TAMM41: variants seen among roughly 807,000 people sequenced by gnomAD.
The protein encoded by TAMM41 is phosphatidate cytidylyltransferase, mitochondrial.
A neutral mutation model predicts 44.1 loss-of-function variants in TAMM41; 36 were observed. That is an observed-to-expected ratio of 0.82 (90% CI 0.63 to 1.08). The LOEUF (loss-of-function observed/expected upper bound fraction) is 1.08. Among genes scored for constraint, TAMM41 ranks in the 50% least tolerant of loss-of-function variants. The pLI, the probability that TAMM41 is intolerant of heterozygous loss-of-function variation, is 0.00. For missense variants in TAMM41, 417 were observed against 404.3 expected, an observed-to-expected ratio of 1.03 and a Z score of -0.27; for synonymous variants, 164 against 153.1, an observed-to-expected ratio of 1.07 and a Z score of -0.53.
chr3:11,722,541 C>A, the TAMM41 span, among the ~76,000 whole-genome samples: 7 of 152,180 alleles, frequency 4.6e-5, no homozygotes, highest in African/African-American at 1.7e-4. Flanking sequence ...TTACATACAG[C>A]ATAATACTCT....
chr3:11,807,521 G>A (rs1184735009), intron 7 of TAMM41: 5 of 1,536,140 alleles, frequency 3.3e-6, no homozygotes, highest in Non-Finnish European at 4.4e-6. Flanking sequence ...TGCTGTTTTT[G>A]CAATCCTATG....
downstream of TAMM41, among the ~76,000 whole-genome samples, chr3:11,789,491 C>G (rs1019495317): frequency 9.9e-5 from 15 of 152,182 alleles, no homozygotes; most frequent in Non-Finnish European, 1.6e-4. Flanking sequence ...TGCTTCCCAA[C>G]AGCTCTTTCT....
At chr3:11,770,933 T>C in the TAMM41 span, among the ~76,000 whole-genome samples, 1 of 152,156 alleles carries the variant, frequency 6.6e-6, no homozygotes, top group Admixed American at 6.5e-5. Flanking sequence ...CGCAGACAAG[T>C]GGGTACATGT....
At chr3:11,805,003 T>C (rs1486287706) in intron 7 of TAMM41, among the ~76,000 whole-genome samples, 7 of 136,330 alleles carry the variant, frequency 5.1e-5, no homozygotes, top group African/African-American at 1.9e-4. Context: ...GCCCTTTTTT[T>C]TTTTTTTTTT....
intron 6 of TAMM41, chr3:11,808,944 CT>C (rs1441847321): frequency 1.3e-5 from 2 of 156,492 alleles, no homozygotes; most frequent in Admixed American, 1.3e-4. Context: ...TGGTCTCAAA[CT>C]CCTGGCCTCA....
Position 11,833,605 on chromosome 3 carries a change from G to A in TAMM41, c.412-3741C>T, listed in dbSNP as rs1156475102. On this transcript the variant is annotated intron_variant, in intron 3 of 7. Transcript: ENST00000455809. ...CCTGCTGGACTCTGGGCTCTTCGAG[G>A]ACAAGCAACATGATATCATTTTTAA... Among the ~76,000 whole-genome samples, 23 of 152,156 alleles carry A rather than the reference G, an allele frequency of 1.5e-4. 1 individual carries two copies. The highest frequency in any genetic ancestry group is 1.5e-3 in the Admixed American group (23 of 15,270).
chr3:11,838,910 T>C (rs909677662), intron 3 of TAMM41, among the ~76,000 whole-genome samples: 3 of 152,070 alleles, frequency 2.0e-5, no homozygotes, highest in African/African-American at 7.2e-5. Context: ...TTTATTAGTA[T>C]AAACTCAGGT....
chr3:11,835,990 C>CT (rs34707251), intron 3 of TAMM41, among the ~76,000 whole-genome samples: 54,761 of 137,902 alleles, frequency 0.4, 11,102 homozygotes, highest in Admixed American at 0.47. Context: ...ATTCCTTTTC[C>CT]TTTTTTTTTT....
At chr3:11,756,181 C>G in the TAMM41 span, among the ~76,000 whole-genome samples, 2 of 152,202 alleles carry the variant, frequency 1.3e-5, no homozygotes, top group African/African-American at 4.8e-5. Flanking sequence ...CCCTTCTCTG[C>G]CCTTGAGGCA....
At chr3:11,816,449 T>C (rs554544202) in intron 5 of TAMM41, among the ~76,000 whole-genome samples, 2 of 152,228 alleles carry the variant, frequency 1.3e-5, no homozygotes, top group African/African-American at 4.8e-5. Flanking sequence ...TATACAAAAG[T>C]ACACGTGAAA....
the TAMM41 span, among the ~76,000 whole-genome samples, chr3:11,738,191 G>A: frequency 0.49 from 74,908 of 152,060 alleles, 19,703 homozygotes; most frequent in Middle Eastern, 0.69. Context: ...AAATTCCTAA[G>A]AGTACCTTTG....
chr3:11,753,038 G>A, the TAMM41 span, among the ~76,000 whole-genome samples: 1 of 152,084 alleles, frequency 6.6e-6, no homozygotes, highest in Non-Finnish European at 1.5e-5. Context: ...ATAGTGCTGT[G>A]AACTATCAGG....
the TAMM41 span, among the ~76,000 whole-genome samples, chr3:11,733,652 C>T: frequency 2.4e-4 from 36 of 152,120 alleles, no homozygotes; most frequent in African/African-American, 7.9e-4. Context: ...GCCACCACAC[C>T]GGGCTCATTT....
chr3:11,806,696 T>C (rs2077919440), intron 7 of TAMM41, among the ~76,000 whole-genome samples: 1 of 152,146 alleles, frequency 6.6e-6, no homozygotes, highest in African/African-American at 2.4e-5. Flanking sequence ...ATTTAAAACA[T>C]TTTTCTTATA....
downstream of TAMM41, among the ~76,000 whole-genome samples, chr3:11,787,108 T>C (rs1264229522): frequency 2.0e-5 from 3 of 152,158 alleles, no homozygotes; most frequent in Non-Finnish European, 4.4e-5. Context: ...TCCCAGTGGC[T>C]TGGGCACCCT....
chr3:11,815,715 T>A (rs1428726316), intron 5 of TAMM41, among the ~76,000 whole-genome samples: 1 of 150,022 alleles, frequency 6.7e-6, no homozygotes, highest in Non-Finnish European at 1.5e-5. Flanking sequence ...ATTGATGGGG[T>A]AGTGTAAGAC....
chr3:11,751,085 G>GAT, the TAMM41 span, among the ~76,000 whole-genome samples: 3 of 134,588 alleles, frequency 2.2e-5, no homozygotes, highest in Admixed American at 7.6e-5. Context: ...GCTTACAGAT[G>GAT]ATACTTTTTT....
intron 4 of TAMM41, among the ~76,000 whole-genome samples, chr3:11,825,910 C>T (rs1430350721): frequency 2.6e-5 from 4 of 152,226 alleles, no homozygotes; most frequent in Non-Finnish European, 1.5e-5. Flanking sequence ...CCACAGCACC[C>T]TGCAAATTTT....
At chr3:11,734,639 T>C in the TAMM41 span, among the ~76,000 whole-genome samples, 2 of 152,184 alleles carry the variant, frequency 1.3e-5, no homozygotes, top group African/African-American at 2.4e-5. Context: ...TCATTGAGTG[T>C]CTACTATGTG....
Sources: gnomAD v4.1 joint callset for allele counts (sites outside exome capture counted in the v4.1 genomes callset) on GRCh38, gnomAD v4.1.1 for gene constraint, MANE v1.5 for transcripts, NCBI Gene and HGNC (gene_info 2026-07-23, HGNC 2026-07-21) for gene names.